Variants in SORCS2 observed in about 807,000 individuals in gnomAD.
SORCS2 encodes the protein sortilin related VPS10 domain containing receptor 2.
SORCS2 carries 100 observed loss-of-function variants against 141.6 expected under a neutral mutation model. That is an observed-to-expected ratio of 0.71 (90% CI 0.60 to 0.83). SORCS2 has a LOEUF of 0.83. SORCS2 is among the 40% of genes least tolerant of loss of function. The probability of loss-of-function intolerance (pLI) is 0.00; values close to 1 mark genes in which losing one functional copy is unlikely to be tolerated. For missense variants in SORCS2, 1,646 were observed against 1,560.2 expected, an observed-to-expected ratio of 1.05 and a Z score of -0.93; for synonymous variants, 789 against 676.9, an observed-to-expected ratio of 1.17 and a Z score of -2.57.
chr4:7,252,478 T>C (rs745756671), intron 1 of SORCS2, among the ~76,000 whole-genome samples: 29 of 152,252 alleles, frequency 1.9e-4, no homozygotes, highest in Non-Finnish European at 3.4e-4. Context: ...AATGTTCCTA[T>C]GATGGTTGAA....
chr4:7,387,554 C>T (rs1490522732), intron 1 of SORCS2, among the ~76,000 whole-genome samples: 2 of 135,358 alleles, frequency 1.5e-5, no homozygotes, highest in East Asian at 2.5e-4. Flanking sequence ...TGCACATACA[C>T]ATATGTACAC....
intron 2 of SORCS2, among the ~76,000 whole-genome samples, chr4:7,397,185 G>T (rs925891494): frequency 6.6e-6 from 1 of 152,116 alleles, no homozygotes; most frequent in Admixed American, 6.5e-5. Flanking sequence ...ACCTCGAGTT[G>T]GTTTATTTTC....
intron 2 of SORCS2, among the ~76,000 whole-genome samples, chr4:7,424,755 G>A (rs907291929): frequency 6.6e-6 from 1 of 152,220 alleles, no homozygotes; most frequent in Non-Finnish European, 1.5e-5. Context: ...TTCTGCATGG[G>A]AGATCTCCTT....
chr4:7,588,805 T>TCTG, intron 3 of SORCS2, among the ~76,000 whole-genome samples: 1 of 152,370 alleles, frequency 6.6e-6, no homozygotes, highest in Middle Eastern at 3.4e-3. Context: ...CAGTGAATGC[T>TCTG]CACATCATGG....
intron 1 of SORCS2, among the ~76,000 whole-genome samples, chr4:7,284,103 C>G (rs368263536): frequency 6.6e-6 from 1 of 152,118 alleles, no homozygotes; most frequent in Non-Finnish European, 1.5e-5. Flanking sequence ...AGGATTGCGC[C>G]CAGGGAACCT....
intron 2 of SORCS2, among the ~76,000 whole-genome samples, chr4:7,419,026 G>A (rs1000467554): frequency 6.6e-6 from 1 of 152,220 alleles, no homozygotes; most frequent in Non-Finnish European, 1.5e-5. Context: ...GGACTTGGAA[G>A]TCACGTAAGA....
At chr4:7,562,575 A>C (rs976663838) in intron 3 of SORCS2, among the ~76,000 whole-genome samples, 1 of 152,136 alleles carries the variant, frequency 6.6e-6, no homozygotes, top group African/African-American at 2.4e-5. Context: ...GTTTTGTTTC[A>C]TTTTGGTTGG....
chr4:7,413,372 C>G (rs1246696308), intron 2 of SORCS2, among the ~76,000 whole-genome samples: 9 of 144,834 alleles, frequency 6.2e-5, no homozygotes, highest in Non-Finnish European at 1.2e-4. Context: ...TCTTATGATC[C>G]TCCGTATTTT....
At chr4:7,291,559 G>A (rs912488086) in intron 1 of SORCS2, among the ~76,000 whole-genome samples, 10 of 152,158 alleles carry the variant, frequency 6.6e-5, no homozygotes, top group Non-Finnish European at 1.5e-4. Context: ...CTAGGCCAGC[G>A]TTTCTTCTAC....
At position 7,306,109 on chromosome 4, in the gene SORCS2, C is replaced by T. The variant is rs144765415; in HGVS notation, c.481-90179C>T. On this transcript the variant is annotated intron_variant, in intron 1 of 26. Coordinates refer to ENST00000507866, the MANE Select transcript of SORCS2 (RefSeq NM_020777.3). Reference sequence around the variant, plus strand: ...GTGGCAGGGTCCCGGTGCTCTGTTCCACCCTGTCCCCATCCCACGCTCCCT... The same window carrying T: ...GTGGCAGGGTCCCGGTGCTCTGTTCTACCCTGTCCCCATCCCACGCTCCCT... Among the ~76,000 whole-genome samples, 539 of 152,290 alleles carry T rather than the reference C, an allele frequency of 3.5e-3. 5 individuals are homozygous for T. The highest frequency in any genetic ancestry group is 0.012 in the African/African-American group (498 of 41,550).
intron 26 of SORCS2, among the ~76,000 whole-genome samples, chr4:7,738,550 C>T (rs1408494504): frequency 3.9e-5 from 6 of 152,162 alleles, no homozygotes; most frequent in Admixed American, 6.5e-5. Context: ...CACCTCTCAC[C>T]GTTGCTGCGG....
chr4:7,472,427 G>C (rs530131537), intron 2 of SORCS2, among the ~76,000 whole-genome samples: 1 of 152,328 alleles, frequency 6.6e-6, no homozygotes, highest in Non-Finnish European at 1.5e-5. Flanking sequence ...GGGATGGCGT[G>C]GAGTGTCCAC....
In SORCS2 at chr4:7,663,549, G is replaced by A. The variant is rs1426994455; in HGVS notation, c.953-804G>A. ...GTGCTGCTGCCCACGTACCCTCTGT[G>A]TACACTGCCTTCTGCCTCCTCTGAA... On this transcript the variant is annotated intron_variant, in intron 6 of 26. Coordinates refer to ENST00000507866, the MANE Select transcript of SORCS2 (RefSeq NM_020777.3). This position sits in a 1 kb window ranked among gnomAD's most constrained non-coding sequence, Gnocchi z 4.8. 7.9e-5 allele frequency among the ~76,000 whole-genome samples: 12 copies of A among 152,254 alleles called. No individual in the cohort carries two copies. The highest frequency in any genetic ancestry group is 1.6e-4 in the Non-Finnish European group (11 of 68,044).
intron 3 of SORCS2, among the ~76,000 whole-genome samples, chr4:7,580,754 T>C (rs1716088663): frequency 6.6e-6 from 1 of 152,126 alleles, no homozygotes; most frequent in South Asian, 2.1e-4. Context: ...GTGGCAAGAA[T>C]ATGAATCCTG....
At chr4:7,320,015 A>T (rs1350775837) in intron 1 of SORCS2, among the ~76,000 whole-genome samples, 1 of 152,078 alleles carries the variant, frequency 6.6e-6, no homozygotes, top group African/African-American at 2.4e-5. Flanking sequence ...TTAAAAAGAC[A>T]GGAAGGGCCA....
intron 2 of SORCS2, among the ~76,000 whole-genome samples, chr4:7,461,675 C>G (rs1414850802): frequency 6.6e-6 from 1 of 152,210 alleles, no homozygotes; most frequent in African/African-American, 2.4e-5. Flanking sequence ...GCGAGGAGCT[C>G]TCTCCCCGGC....
intron 2 of SORCS2, among the ~76,000 whole-genome samples, chr4:7,461,893 G>C (rs573836363): frequency 6.6e-6 from 1 of 150,906 alleles, no homozygotes; most frequent in African/African-American, 2.5e-5. Context: ...GCACACCTGG[G>C]AGGTGCTGTC....
At chr4:7,704,970 C>CT (rs1725327372) in intron 14 of SORCS2, among the ~76,000 whole-genome samples, 1 of 152,196 alleles carries the variant, frequency 6.6e-6, no homozygotes, top group African/African-American at 2.4e-5. Flanking sequence ...ACCGTGTCCT[C>CT]TTCCTGCCTT....
At chr4:7,484,578 A>T (rs1031921266) in intron 2 of SORCS2, among the ~76,000 whole-genome samples, 1 of 152,138 alleles carries the variant, frequency 6.6e-6, no homozygotes, top group Non-Finnish European at 1.5e-5. Flanking sequence ...GTGTGGAAAT[A>T]CCAGGAACAG....
Sources: gnomAD v4.1 joint callset for allele counts (sites outside exome capture counted in the v4.1 genomes callset) on GRCh38, gnomAD v4.1.1 for gene constraint, Gnocchi (gnomAD v3.1) non-coding constraint, MANE v1.5 for transcripts, NCBI Gene and HGNC (gene_info 2026-07-23, HGNC 2026-07-21) for gene names.